GMDS: variants seen among roughly 807,000 people sequenced by gnomAD.
GMDS encodes the protein GDP-mannose 4,6 dehydratase.
GMDS carries 20 observed loss-of-function variants against 49.9 expected under a neutral mutation model. The ratio of observed to expected loss-of-function variants is 0.40; its 90% CI spans 0.28 to 0.58. The LOEUF is 0.58. Among genes scored for constraint, GMDS ranks in the 20% least tolerant of loss-of-function variants. The probability of loss-of-function intolerance (pLI) is 0.42; values close to 1 mark genes in which losing one functional copy is unlikely to be tolerated. For missense variants in GMDS, 362 were observed against 481.4 expected, an observed-to-expected ratio of 0.75 and a Z score of 2.32; for synonymous variants, 177 against 178.6, an observed-to-expected ratio of 0.99 and a Z score of 0.07.
At chr6:2,221,179 C>T (rs879149830) in intron 1 of GMDS, among the ~76,000 whole-genome samples, 2 of 152,136 alleles carry the variant, frequency 1.3e-5, no homozygotes, top group Admixed American at 6.5e-5. Context: ...AAGCAACACC[C>T]AATCTCAAAC....
chr6:2,200,193 C>A (rs1258039724), intron 1 of GMDS, among the ~76,000 whole-genome samples: 1 of 151,968 alleles, frequency 6.6e-6, no homozygotes, highest in Admixed American at 6.6e-5. Context: ...GGGACACAGA[C>A]GAGAAACAAA....
chr6:1,880,096 G>T (rs912781200), intron 7 of GMDS, among the ~76,000 whole-genome samples: 5 of 151,840 alleles, frequency 3.3e-5, no homozygotes, highest in African/African-American at 9.7e-5. Context: ...GAGTAGAAAG[G>T]CACACAGTAA....
intron 4 of GMDS, among the ~76,000 whole-genome samples, chr6:2,102,062 T>C (rs1773955225): frequency 6.6e-6 from 1 of 152,096 alleles, no homozygotes; most frequent in African/African-American, 2.4e-5. Context: ...AAGCTATTAT[T>C]ATACTACACT....
intron 4 of GMDS, among the ~76,000 whole-genome samples, chr6:2,070,294 G>C (rs1266274506): frequency 6.8e-6 from 1 of 147,984 alleles, no homozygotes. Context: ...GGGAGGGATA[G>C]CATTGGGAGA....
intron 6 of GMDS, among the ~76,000 whole-genome samples, chr6:1,933,298 T>C (rs1762380874): frequency 6.6e-6 from 1 of 152,254 alleles, no homozygotes; most frequent in Non-Finnish European, 1.5e-5. Context: ...CTATCTGTGG[T>C]GCCTCCATCC....
At chr6:1,970,244 T>C (rs2127319729) in intron 4 of GMDS, among the ~76,000 whole-genome samples, 1 of 152,346 alleles carries the variant, frequency 6.6e-6, no homozygotes. Flanking sequence ...TGGAAATGCC[T>C]AAGACCACAC....
intron 9 of GMDS, among the ~76,000 whole-genome samples, chr6:1,662,071 T>G (rs1764096065): frequency 6.6e-6 from 1 of 151,608 alleles, no homozygotes; most frequent in Admixed American, 6.6e-5. Context: ...AGAGAGGAAC[T>G]GCGTGGCTGG....
At chr6:1,700,643 G>C (rs1039034896) in intron 9 of GMDS, among the ~76,000 whole-genome samples, 3 of 152,230 alleles carry the variant, frequency 2.0e-5, no homozygotes, top group Admixed American at 6.5e-5. Context: ...ACACTGATTT[G>C]AGGAGAGAGA....
chr6:2,001,478 T>A (rs1017829371), intron 4 of GMDS, among the ~76,000 whole-genome samples: 1 of 152,174 alleles, frequency 6.6e-6, no homozygotes, highest in African/African-American at 2.4e-5. Context: ...AACACAAAGG[T>A]TTCTAATTTT....
chr6:1,808,556 T>C (rs1050394468), intron 7 of GMDS, among the ~76,000 whole-genome samples: 2 of 152,206 alleles, frequency 1.3e-5, no homozygotes, highest in Admixed American at 1.3e-4. Flanking sequence ...TGAATTTAGA[T>C]CCGGCTTCCT....
chr6:2,140,903 C>G (rs1776250772), intron 1 of GMDS, among the ~76,000 whole-genome samples: 1 of 152,186 alleles, frequency 6.6e-6, no homozygotes, highest in Admixed American at 6.5e-5. Context: ...TGAGCCAGCC[C>G]TCCCAGCTGA....
At chr6:1,765,829 T>C (rs1768329294) in intron 7 of GMDS, among the ~76,000 whole-genome samples, 1 of 152,136 alleles carries the variant, frequency 6.6e-6, no homozygotes, top group Non-Finnish European at 1.5e-5. Flanking sequence ...CTTTAACTCC[T>C]TCGGCACAGT....
At chr6:1,820,150 T>G (rs1386776507) in intron 7 of GMDS, among the ~76,000 whole-genome samples, 1 of 152,108 alleles carries the variant, frequency 6.6e-6, no homozygotes, top group African/African-American at 2.4e-5. Flanking sequence ...CCTAAAATCT[T>G]GAAAACATTT....
intron 7 of GMDS, among the ~76,000 whole-genome samples, chr6:1,908,522 C>T (rs59109349): frequency 3.9e-5 from 6 of 152,180 alleles, no homozygotes; most frequent in African/African-American, 9.6e-5. Context: ...TAAATTTGGG[C>T]TATGCTACAA....
At chr6:2,041,551 A>G (rs1166877119) in intron 4 of GMDS, among the ~76,000 whole-genome samples, 16 of 152,172 alleles carry the variant, frequency 1.1e-4, no homozygotes, top group Admixed American at 1.0e-3. Flanking sequence ...AACATTATCC[A>G]CTAACATGTG....
intron 4 of GMDS, among the ~76,000 whole-genome samples, chr6:2,076,032 T>C (rs565593861): frequency 3.3e-5 from 5 of 152,324 alleles, no homozygotes; most frequent in South Asian, 4.1e-4. Context: ...TTTTCATGTG[T>C]CTTTTGGCTG....
At chr6:2,190,443 T>G (rs542016616) in intron 1 of GMDS, among the ~76,000 whole-genome samples, 1 of 152,364 alleles carries the variant, frequency 6.6e-6, no homozygotes, top group South Asian at 2.1e-4. Context: ...CTTCTACAGA[T>G]AAAAACACCA....
intron 4 of GMDS, among the ~76,000 whole-genome samples, chr6:1,999,433 CA>C (rs1766516487): frequency 6.7e-6 from 1 of 150,224 alleles, no homozygotes; most frequent in Admixed American, 6.6e-5. Context: ...GTTATTTCTA[CA>C]AAACCTAGAA....
intron 4 of GMDS, among the ~76,000 whole-genome samples, chr6:2,063,711 G>A (rs996563267): frequency 2.6e-4 from 39 of 152,114 alleles, no homozygotes; most frequent in Non-Finnish European, 4.4e-5. Flanking sequence ...AATCTAGAGG[G>A]AACAAAGCAT....
Sources: allele counts gnomAD v4.1 joint callset (sites outside exome capture counted in the v4.1 genomes callset), GRCh38; gene constraint gnomAD v4.1.1; transcripts MANE v1.5; gene names NCBI Gene and HGNC (gene_info 2026-07-23, HGNC 2026-07-21).